The following DOT1L variants were observed in gnomAD, a reference collection of about 807,000 sequenced individuals.
DOT1L encodes histone-lysine N-methyltransferase, H3 lysine-79 specific.
A neutral mutation model predicts 153.3 loss-of-function variants in DOT1L; 33 were observed. The ratio of observed to expected loss-of-function variants is 0.22; its 90% confidence interval spans 0.16 to 0.29. The LOEUF (loss-of-function observed/expected upper bound fraction) is 0.29. Ranked by LOEUF, DOT1L falls within the 10% of genes least tolerant of loss-of-function variation. DOT1L has a pLI of 1.00. For synonymous variants in DOT1L, 1,135 were observed against 965.1 expected (o/e 1.18, Z -3.26); for missense variants, 1,847 against 2,119.9 (o/e 0.87, Z 2.53).
rs1266309247 is a variant in DOT1L, at chr19:2,186,610, C to G, written c.200+681C>G. Among the ~76,000 whole-genome samples, 3 of 152,354 alleles carry G rather than the reference C, an allele frequency of 2.0e-5. No homozygotes were observed. In the East Asian group the frequency reaches 5.8e-4, roughly 29 times the overall value. On this transcript the variant is annotated intron_variant, in intron 3 of 27. Coordinates refer to ENST00000398665, the MANE Select transcript of DOT1L (RefSeq NM_032482.3). ...AGAGGGCCACGCGGCTGCACTTTAC[C>G]TGGCTCTCCGGCCTCACTGGCATGT...
rs571424156 is a variant in DOT1L, at chr19:2,178,076, C to G, written c.82-2637C>G. Among the ~76,000 whole-genome samples, 119 of 151,894 alleles carry G rather than the reference C, an allele frequency of 7.8e-4. 1 individual carries two copies. The highest frequency in any genetic ancestry group is 2.8e-3 in the African/African-American group (115 of 41,396). ...TAGCTGGGATTACAGGCACGCACCA[C>G]CATGCCCAGCTAATTTTTTTTTTTT... On this transcript the variant is annotated intron_variant, in intron 1 of 27. Coordinates refer to ENST00000398665, the MANE Select transcript of DOT1L (RefSeq NM_032482.3).
intron 16 of DOT1L, chr19:2,212,071 G>C (rs891225539): frequency 3.8e-6 from 2 of 528,826 alleles, no homozygotes; most frequent in Non-Finnish European, 6.8e-6. Context: ...TGCAAGACCT[G>C]GTGTCTGATA....
chr19:2,171,330 T>G (rs1216088013), intron 1 of DOT1L, among the ~76,000 whole-genome samples: 1 of 152,180 alleles, frequency 6.6e-6, no homozygotes, highest in African/African-American at 2.4e-5. Flanking sequence ...ATTGAGCCCT[T>G]CTGGTCCCGA....
chr19:2,198,937 G>T (rs1477973603), intron 7 of DOT1L, among the ~76,000 whole-genome samples: 4 of 152,210 alleles, frequency 2.6e-5, no homozygotes, highest in Non-Finnish European at 5.9e-5. Flanking sequence ...CGGCCTCGCT[G>T]TGCTGTGTTG....
intron 25 of DOT1L, 44 bp downstream of exon 25, chr19:2,223,530 G>T: frequency 8.0e-7 from 1 of 1,248,826 alleles, no homozygotes; most frequent in South Asian, 1.2e-5. Flanking sequence ...GGCAGCAGGG[G>T]CAGGAGGTGC....
At position 2,164,013 on chromosome 19, in the gene DOT1L, G is replaced by T; in HGVS notation, c.-172G>T. On this transcript the variant is annotated 5_prime_UTR_variant, in exon 1 of 28. Transcript: ENST00000398665. ...TGTGACTACAAAGAGGGAGTCGGGG[G>T]CCGGGCCGGACCGGAGCGCGGCGGC... is the stretch of plus-strand genomic sequence containing the variant. 1 of 248,836 alleles carries T rather than the reference G, an allele frequency of 4.0e-6. No homozygotes were observed. Among genetic ancestry groups the T allele is most frequent in the Non-Finnish European group, 6.9e-6 (1 of 145,896 alleles). The allele number at this position is 248,836 out of a possible 1,614,324, so 15.4% of individuals were successfully genotyped here.
chr19:2,216,673 T>G lies in DOT1L; in HGVS notation c.2316T>G (p.Thr772=), dbSNP rs1465883266. 1 of 1,604,044 alleles carries G rather than the reference T, an allele frequency of 6.2e-7. No homozygotes were observed. The highest frequency in any genetic ancestry group is 1.1e-5 in the South Asian group (1 of 91,066). ...CTGGCCTAGCCGCACCCGACTACAC[T>G]AGGCTGTCCCCGGCCAAGATTGTGC... ...KLSGLAAPDY[T]RLSPAKIVLR... The change falls in exon 20 of 28, where the codon ACT becomes ACG. Residue 772 remains threonine (T), a synonymous_variant. Transcript: ENST00000398665.
At chr19:2,181,538 A>G (rs2022231201) in intron 2 of DOT1L, among the ~76,000 whole-genome samples, 1 of 152,134 alleles carries the variant, frequency 6.6e-6, no homozygotes, top group Non-Finnish European at 1.5e-5. Context: ...CTCCCTGGCC[A>G]GGTTGTTTGA....
In DOT1L at chr19:2,191,065, C is replaced by G; in HGVS notation, c.318C>G (p.Leu106=). The change falls in exon 5 of 28, where the codon CTC becomes CTG. Residue 106 remains leucine, a synonymous_variant. Coordinates refer to ENST00000398665, the MANE Select transcript of DOT1L (RefSeq NM_032482.3). This position sits in a 1 kb window ranked among gnomAD's most constrained non-coding sequence, Gnocchi z 6.8. The stretch of plus-strand genomic sequence containing the variant: ...TGAACACGCGGCCGTCCACTGGACT[C>G]CTGCGCCATATCCTGCAGCAGGTCT... ...MKLNTRPSTG[L]LRHILQQVYN... The G allele has an allele frequency of 6.2e-7, 1 of 1,611,974 alleles. No individual in the cohort carries two copies. The highest frequency in any genetic ancestry group is 8.5e-7 in the Non-Finnish European group (1 of 1,179,718).
At chr19:2,196,354 A>G (rs1390554163) in intron 7 of DOT1L, among the ~76,000 whole-genome samples, 4 of 152,206 alleles carry the variant, frequency 2.6e-5, no homozygotes, top group African/African-American at 9.6e-5. Flanking sequence ...CATGTGTGAA[A>G]GAAAGTCTTG....
rs549609850 is a variant in DOT1L at position 2,166,725 on chromosome 19, A to G, written c.81+2460A>G. Among the ~76,000 whole-genome samples the G allele has an allele frequency of 3.9e-4, 60 of 152,258 alleles. No homozygotes were observed. In the South Asian group the frequency reaches 0.011, roughly 28 times the overall value. On this transcript the variant is annotated intron_variant, in intron 1 of 27. Coordinates refer to ENST00000398665, the MANE Select transcript of DOT1L (RefSeq NM_032482.3). The stretch of plus-strand genomic sequence containing the variant: ...CGCACCTGGCCTCACATTTATTCGT[A>G]TATCTTCCTCTTTCAGTTCACCTAG...
chr19:2,182,776 C>A (rs2022302579), intron 2 of DOT1L, among the ~76,000 whole-genome samples: 1 of 152,156 alleles, frequency 6.6e-6, no homozygotes, highest in Non-Finnish European at 1.5e-5. Context: ...GACCCCAGGC[C>A]CCCGGATCTC....
At chr19:2,166,069 C>T (rs985648558) in intron 1 of DOT1L, among the ~76,000 whole-genome samples, 3 of 150,686 alleles carry the variant, frequency 2.0e-5, no homozygotes, top group African/African-American at 7.4e-5. Context: ...CGCGCCCGGC[C>T]CACATTTATA....
Position 2,216,721 on chromosome 19 carries a change from C to A in DOT1L, c.2364C>A (p.Asp788Glu). ...KIVLRRHLSQ[D>E]HTVPGRPAAS... ...TGCTGAGGCGGCACCTGAGCCAGGA[C>A]CACACGGTGCCCGGCAGGCCGGCTG... Residue 788 changes from aspartate (D) to glutamate (E), a missense_variant, in exon 20 of 28, where the codon GAC (aspartate) becomes GAA (glutamate). Physicochemically the swap from Asp to Glu is conservative, Grantham distance 45 (BLOSUM62 2). This residue lies in a region of DOT1L where 281 missense variants were observed against 263.6 expected (regional missense o/e 1.07). Transcript: ENST00000398665. 1 of 1,599,594 alleles carries A rather than the reference C, an allele frequency of 6.3e-7. No individual in the cohort carries two copies. Among genetic ancestry groups the A allele is most frequent in the Non-Finnish European group, 8.5e-7 (1 of 1,178,320 alleles).
Position 2,226,544 on chromosome 19 carries a change from C to T in DOT1L, c.4023C>T (p.Gly1341=). 6.2e-7 allele frequency: 1 copy of T among 1,600,684 alleles called. No homozygotes were observed. Among genetic ancestry groups the T allele is most frequent in the Non-Finnish European group, 8.5e-7 (1 of 1,179,502 alleles). ...FSDGASLPHK[G]PEAAGLSSPL... is the part of the protein sequence containing the mutation. ...ATGGTGCTTCTCTTCCCCACAAGGGCCCCGAGGCGGCCGGCCTGAGCTCCC... is the reference window on the plus strand; with the variant it reads ...ATGGTGCTTCTCTTCCCCACAAGGGTCCCGAGGCGGCCGGCCTGAGCTCCC... The change falls in exon 27 of 28, where the codon GGC becomes GGT. Residue 1341 remains glycine, a synonymous_variant. Transcript: ENST00000398665.
In DOT1L at chr19:2,229,911, G is replaced by C; in HGVS notation, c.*119G>C. The C allele has an allele frequency of 6.3e-7, 1 of 1,581,634 alleles. No individual in the cohort carries two copies. Among genetic ancestry groups the C allele is most frequent in the Non-Finnish European group, 8.6e-7 (1 of 1,157,676 alleles). On this transcript the variant is annotated 3_prime_UTR_variant, in exon 28 of 28. Transcript: ENST00000398665. The stretch of plus-strand genomic sequence containing the variant: ...CTGGACGGCAGAGGCAAGGACGGAC[G>C]GGAGCTCCACTGTGAATCGGCGGCA...
intron 16 of DOT1L, chr19:2,212,942 A>T (rs976014547): frequency 6.6e-6 from 1 of 152,324 alleles, no homozygotes; most frequent in Admixed American, 6.5e-5. Flanking sequence ...TGGAGCCACA[A>T]GGTCGGCTGT....
chr19:2,222,992 T>C lies in DOT1L; in HGVS notation c.3391-289T>C. On this transcript the variant is annotated intron_variant, in intron 24 of 27. Coordinates refer to ENST00000398665, the MANE Select transcript of DOT1L (RefSeq NM_032482.3). This position sits in a 1 kb window ranked among gnomAD's most constrained non-coding sequence, Gnocchi z 6.5. ...TGGGAAGAGGCGGCCGACAGCTGTC[T>C]CTGGGGTTCGGAGTGCGATGCGCTG... The C allele has an allele frequency of 2.2e-6, 1 of 460,070 alleles. No homozygotes were observed. The highest frequency in any genetic ancestry group is 3.7e-5 in the East Asian group (1 of 26,856). The allele number at this position is 460,070 out of a possible 1,614,324, so 28.5% of individuals were successfully genotyped here.
At chr19:2,218,348 T>C (rs761794231) in intron 22 of DOT1L, among the ~76,000 whole-genome samples, 5 of 152,258 alleles carry the variant, frequency 3.3e-5, no homozygotes, top group Non-Finnish European at 7.3e-5. Context: ...TTAAAAATTG[T>C]GCGCTTCAAG....
Sources: allele counts gnomAD v4.1 joint callset (sites outside exome capture counted in the v4.1 genomes callset), GRCh38; gene constraint gnomAD v4.1.1; regional missense constraint gnomAD v4.1.1; non-coding constraint Gnocchi (gnomAD v3.1); transcripts MANE v1.5; gene names NCBI Gene and HGNC (gene_info 2026-07-23, HGNC 2026-07-21).